Variants in KDM4C observed in about 807,000 individuals in gnomAD.
KDM4C encodes lysine-specific demethylase 4C.
A neutral mutation model predicts 129.3 loss-of-function variants in KDM4C; 81 were observed. That is an observed-to-expected ratio of 0.63 (90% CI 0.52 to 0.75). The LOEUF is 0.75. Ranked by LOEUF, KDM4C falls within the 30% of genes least tolerant of loss-of-function variation. KDM4C has a pLI of 0.00. For missense variants in KDM4C, 1,457 were observed against 1,304.0 expected, an observed-to-expected ratio of 1.12 and a Z score of -1.81; for synonymous variants, 573 against 456.1, an observed-to-expected ratio of 1.26 and a Z score of -3.26.
intron 8 of KDM4C, among the ~76,000 whole-genome samples, chr9:6,945,304 C>A (rs568379473): frequency 3.3e-5 from 5 of 152,236 alleles, no homozygotes; most frequent in Non-Finnish European, 7.4e-5. Context: ...TTTCATCCTT[C>A]CTTTGAAACA....
At chr9:7,118,678 T>C (rs1839177133) in intron 18 of KDM4C, among the ~76,000 whole-genome samples, 1 of 152,218 alleles carries the variant, frequency 6.6e-6, no homozygotes, top group African/African-American at 2.4e-5. Context: ...CTCTTTGGCC[T>C]GTACGTCGGC....
At chr9:6,843,999 A>G (rs1050124567) in intron 4 of KDM4C, among the ~76,000 whole-genome samples, 2 of 152,106 alleles carry the variant, frequency 1.3e-5, no homozygotes, top group African/African-American at 2.4e-5. Flanking sequence ...ATACCCGGCT[A>G]TTTTTTAAAA....
chr9:6,958,169 G>T (rs1004015529), intron 8 of KDM4C, among the ~76,000 whole-genome samples: 8 of 150,704 alleles, frequency 5.3e-5, no homozygotes, highest in African/African-American at 1.7e-4. Context: ...GTTTCCAAAA[G>T]TGACTCACAA....
intron 3 of KDM4C, among the ~76,000 whole-genome samples, chr9:6,812,637 G>A (rs982659546): frequency 3.9e-5 from 6 of 152,148 alleles, no homozygotes; most frequent in Non-Finnish European, 8.8e-5. Context: ...AACTCAGGCA[G>A]TAATGCTCAC....
chr9:7,129,144 T>G (rs1044554231), intron 19 of KDM4C, among the ~76,000 whole-genome samples: 2 of 152,190 alleles, frequency 1.3e-5, no homozygotes, highest in African/African-American at 4.8e-5. Flanking sequence ...GATGCTTTGC[T>G]TTTGTTTGTA....
intron 4 of KDM4C, among the ~76,000 whole-genome samples, chr9:6,828,451 C>G (rs1330184129): frequency 6.6e-6 from 1 of 151,984 alleles, no homozygotes; most frequent in Non-Finnish European, 1.5e-5. Flanking sequence ...CCGGCCATCT[C>G]TGGAATAAGT....
intron 19 of KDM4C, among the ~76,000 whole-genome samples, chr9:7,161,488 T>G (rs1294155604): frequency 6.6e-6 from 1 of 152,144 alleles, no homozygotes; most frequent in Non-Finnish European, 1.5e-5. Flanking sequence ...AAAAGAAACT[T>G]CTCTACCCCG....
rs553333101 is a variant in KDM4C, at chr9:6,798,675, G to A, written c.144+5543G>A. On this transcript the variant is annotated intron_variant, in intron 2 of 21. Coordinates refer to ENST00000381309, the MANE Select transcript of KDM4C (RefSeq NM_015061.6). Reference sequence around the variant, plus strand: ...GACACAGCAACCATCCGATTTCTCAGTCTTTTCCCCACCTTTCCCCCTTTT... The same window carrying A: ...GACACAGCAACCATCCGATTTCTCAATCTTTTCCCCACCTTTCCCCCTTTT... Among the ~76,000 whole-genome samples the A allele has an allele frequency of 9.2e-3, 1,395 of 151,958 alleles. 19 individuals are homozygous for A. The highest frequency in any genetic ancestry group is 0.031 in the African/African-American group (1,274 of 41,326).
chr9:7,093,267 T>G (rs1836014345), intron 17 of KDM4C, among the ~76,000 whole-genome samples: 2 of 152,278 alleles, frequency 1.3e-5, no homozygotes, highest in African/African-American at 4.8e-5. Flanking sequence ...TGTTGTTGAT[T>G]CATTGTGAGA....
intron 21 of KDM4C, chr9:7,170,227 T>C: frequency 8.4e-7 from 1 of 1,186,740 alleles, no homozygotes; most frequent in Non-Finnish European, 1.1e-6. Context: ...GCAATCTTGT[T>C]AGTAGAAGCA....
chr9:7,025,997 G>T (rs1825749368), intron 15 of KDM4C, among the ~76,000 whole-genome samples: 2 of 152,086 alleles, frequency 1.3e-5, no homozygotes, highest in Non-Finnish European at 2.9e-5. Context: ...TTGAGGTCAG[G>T]AGTTCGAGAC....
intron 17 of KDM4C, among the ~76,000 whole-genome samples, chr9:7,058,704 A>C (rs1192300712): frequency 6.6e-6 from 1 of 152,182 alleles, no homozygotes; most frequent in East Asian, 1.9e-4. Flanking sequence ...TTAAGTCTGG[A>C]TTCTTGAACA....
chr9:6,906,516 C>G (rs1278571953), intron 8 of KDM4C, among the ~76,000 whole-genome samples: 1 of 152,208 alleles, frequency 6.6e-6, no homozygotes, highest in Non-Finnish European at 1.5e-5. Flanking sequence ...CCTCCCACCT[C>G]AGCCTCCCTA....
At chr9:6,856,539 C>CGGGTGT (rs1839846493) in intron 5 of KDM4C, among the ~76,000 whole-genome samples, 1 of 131,596 alleles carries the variant, frequency 7.6e-6, no homozygotes, top group African/African-American at 2.9e-5. Flanking sequence ...TCTCTGTGTG[C>CGGGTGT]GTGTGTGTGT....
chr9:6,971,848 G>T (rs185827799), intron 8 of KDM4C, among the ~76,000 whole-genome samples: 1 of 152,218 alleles, frequency 6.6e-6, no homozygotes, highest in Admixed American at 6.5e-5. Context: ...TTCAAATATG[G>T]TGAGTCAACA....
chr9:6,947,191 T>G (rs1458145436), intron 8 of KDM4C, among the ~76,000 whole-genome samples: 2 of 152,134 alleles, frequency 1.3e-5, no homozygotes, highest in Non-Finnish European at 2.9e-5. Flanking sequence ...CACCTTAGAG[T>G]TTCTACAACC....
Position 7,010,146 on chromosome 9 carries a change from T to C in KDM4C, c.1787-1552T>C, listed in dbSNP as rs185687272. On this transcript the variant is annotated intron_variant, in intron 12 of 21. Transcript: ENST00000381309. ...TATATCCTATGCTATAATAATTTTT[T>C]AGCCATCTCCTTTTGCTATTATGGT... 5.3e-5 allele frequency among the ~76,000 whole-genome samples: 8 copies of C among 152,368 alleles called. No homozygotes were observed. The East Asian group carries it at 1.3e-3, about 26-fold the overall frequency.
chr9:6,822,641 A>G (rs770573007), intron 4 of KDM4C, among the ~76,000 whole-genome samples: 5 of 152,214 alleles, frequency 3.3e-5, no homozygotes, highest in Non-Finnish European at 5.9e-5. Flanking sequence ...TGAAGTTTTA[A>G]TTAGCCTTTG....
chr9:7,136,813 A>G lies in KDM4C; in HGVS notation c.2781+8577A>G, dbSNP rs12348602. Among the ~76,000 whole-genome samples the G allele has an allele frequency of 5.1e-3, 774 of 152,284 alleles. 7 individuals are homozygous for G. Among genetic ancestry groups the G allele is most frequent in the African/African-American group, 0.018 (743 of 41,554 alleles). The stretch of plus-strand genomic sequence containing the variant: ...TAATAGTGTATAAAGAGCAAAAGTT[A>G]TACATTTTGATGAAGCCCAATTTGT... On this transcript the variant is annotated intron_variant, in intron 19 of 21. Coordinates refer to ENST00000381309, the MANE Select transcript of KDM4C (RefSeq NM_015061.6).
Sources: allele counts gnomAD v4.1 joint callset (sites outside exome capture counted in the v4.1 genomes callset), GRCh38; gene constraint gnomAD v4.1.1; transcripts MANE v1.5; gene names NCBI Gene and HGNC (gene_info 2026-07-23, HGNC 2026-07-21).